The following TWF2 variants were observed in gnomAD, a reference collection of about 807,000 sequenced individuals.
The protein encoded by TWF2 is twinfilin actin binding protein 2.
TWF2 carries 15 observed loss-of-function variants against 45.1 expected under a neutral mutation model. That is an observed-to-expected ratio of 0.33 (90% CI 0.22 to 0.51). The LOEUF (loss-of-function observed/expected upper bound fraction) is 0.51. Ranked by LOEUF, TWF2 falls within the 20% of genes least tolerant of loss-of-function variation. The pLI is 0.97. For synonymous variants in TWF2, 177 were observed against 195.8 expected, an observed-to-expected ratio of 0.90 and a Z score of 0.80; for missense variants, 423 against 469.1, an observed-to-expected ratio of 0.90 and a Z score of 0.91.
At chr3:52,238,442 T>C (rs967469663) in intron 1 of TWF2, among the ~76,000 whole-genome samples, 5 of 152,202 alleles carry the variant, frequency 3.3e-5, no homozygotes, top group African/African-American at 1.2e-4. Flanking sequence ...GTCAGACACA[T>C]GCGGTATATG....
At chr3:52,229,249 C>T (rs757159069) in intron 8 of TWF2, 48 bp from the exon 9 acceptor site, 61 of 1,594,634 alleles carry the variant, frequency 3.8e-5, no homozygotes, top group Non-Finnish European at 5.2e-5. Flanking sequence ...GGCTCTGACA[C>T]ACACCACCCC....
chr3:52,228,833 A>G lies in TWF2; in HGVS notation c.*201T>C, dbSNP rs879366651. The G allele has an allele frequency of 5.0e-6, 4 of 806,606 alleles. No homozygotes were observed. Among genetic ancestry groups the G allele is most frequent in the Non-Finnish European group, 7.5e-6 (4 of 532,448 alleles). 50.0% of individuals were successfully genotyped at this position (806,606 alleles called of 1,614,324 possible). A position where few individuals can be genotyped will look rare whatever the true frequency, so the allele number is the denominator to read the frequency against. The stretch of plus-strand genomic sequence containing the variant: ...CAGGGTCCCCGGACACCCTGGGCAC[A>G]CAGACGAGATGCAGGGACAGCAACA... On this transcript the variant is annotated 3_prime_UTR_variant, in exon 9 of 9. Transcript: ENST00000305533.
intron 8 of TWF2, 50 bp from the exon 9 acceptor site, chr3:52,229,251 C>T (rs1699655474): frequency 1.3e-6 from 2 of 1,593,944 alleles, no homozygotes; most frequent in Non-Finnish European, 1.7e-6. Context: ...CTCTGACACA[C>T]ACCACCCCTG....
chr3:52,232,233 C>A, intron 2 of TWF2, 111 bp from the exon 3 acceptor site: 1 of 1,314,210 alleles, frequency 7.6e-7, no homozygotes, highest in South Asian at 1.5e-5. Context: ...CCGGCTGCCC[C>A]TCACCTTCCC....
At chr3:52,232,220 C>A (rs145192903) in intron 2 of TWF2, 98 bp from the exon 3 acceptor site, 3 of 1,381,446 alleles carry the variant, frequency 2.2e-6, no homozygotes, top group Non-Finnish European at 2.9e-6. Flanking sequence ...TGGCTCAGAG[C>A]CGCCGGCTGC....
intron 2 of TWF2, 103 bp from the exon 3 acceptor site, chr3:52,232,225 G>A (rs906148574): frequency 1.9e-5 from 26 of 1,366,664 alleles, no homozygotes; most frequent in African/African-American, 8.8e-5. Flanking sequence ...CAGAGCCGCC[G>A]GCTGCCCCTC....
Position 52,229,180 on chromosome 3 carries a change from C to G in TWF2, c.904G>C (p.Glu302Gln). The G allele has an allele frequency of 6.2e-7, 1 of 1,612,210 alleles. No homozygotes were observed. Among genetic ancestry groups the G allele is most frequent in the Non-Finnish European group, 8.5e-7 (1 of 1,179,998 alleles). ...TCGTAGAGGAACTCTGCCGTCAGCT[C>G]TGCCCCATCGCCAATCTCAATCTGC... ...AKKIEIGDGA[E>Q]LTAEFLYDEV... The change falls in exon 9 of 9, where the codon GAG (glutamate) becomes CAG (glutamine). Residue 302 changes from glutamate (E) to glutamine (Q), a missense_variant. Glu to Gln is a conservative substitution (Grantham distance 29). Transcript: ENST00000305533.
At chr3:52,231,578 A>G in intron 3 of TWF2, 39 bp from the exon 4 acceptor site, 1 of 1,583,984 alleles carries the variant, frequency 6.3e-7, no homozygotes, top group Non-Finnish European at 8.6e-7. Context: ...GCCTCTGGGC[A>G]GGGCTGCCTC....
Position 52,229,901 on chromosome 3 carries a change from C to G in TWF2, c.760+19G>C. ...TCCCACCCAGCCACAGGCTTGGGAGCCCTGCCATGGCCACTCACCTACAGA... is the reference window on the plus strand; with the variant it reads ...TCCCACCCAGCCACAGGCTTGGGAGGCCTGCCATGGCCACTCACCTACAGA... On this transcript the variant is annotated intron_variant, in intron 7 of 8. Coordinates refer to ENST00000305533, the MANE Select transcript of TWF2 (RefSeq NM_007284.4). 1 of 1,600,002 alleles carries G rather than the reference C, an allele frequency of 6.2e-7. No individual in the cohort carries two copies. The highest frequency in any genetic ancestry group is 8.5e-7 in the Non-Finnish European group (1 of 1,170,568).
intron 1 of TWF2, 61 bp downstream of exon 1, chr3:52,238,931 G>GGA: frequency 6.4e-7 from 1 of 1,562,856 alleles, no homozygotes; most frequent in Non-Finnish European, 8.6e-7. Context: ...CCGAGAGCCG[G>GGA]GGGGGGGCGC....
chr3:52,229,074 C>T lies in TWF2; in HGVS notation c.1010G>A (p.Arg337His). 2.5e-6 allele frequency: 4 copies of T among 1,612,868 alleles called. No homozygotes were observed. Among genetic ancestry groups the T allele is most frequent in the South Asian group, 1.1e-5 (1 of 91,030 alleles). ...ATTTTCACCCGGGCCGCGGATGAGG[C>T]GCTTATGGCCCCGCTTGCCCCCTGG... The part of the protein sequence containing the change: ...KGPGGKRGHK[R>H]LIRGPGENGD... Residue 337 changes from arginine to histidine, a missense_variant, in exon 9 of 9, where the codon CGC becomes CAC. Transcript: ENST00000305533.
chr3:52,232,328 C>T, intron 2 of TWF2: 2 of 625,756 alleles, frequency 3.2e-6, no homozygotes, highest in East Asian at 2.9e-5. Context: ...CTGGGGGCTG[C>T]CCCCCTGCAC....
chr3:52,229,706 G>A lies in TWF2; in HGVS notation c.837C>T (p.Leu279=), dbSNP rs1699660023. The change falls in exon 8 of 9, where the codon CTC becomes CTT. Residue 279 remains leucine, a synonymous_variant. Transcript: ENST00000305533. ...GGAAGTCCTGCTCCACGGAGTCGAG[G>A]AGGCGGCTCTTGCAGCTGGAGTAGA... ...RMLYSSCKSR[L]LDSVEQDFHL... 6.2e-7 allele frequency: 1 copy of A among 1,613,322 alleles called. No homozygotes were observed. Among genetic ancestry groups the A allele is most frequent in the Non-Finnish European group, 8.5e-7 (1 of 1,180,034 alleles).
chr3:52,229,910 G>C lies in TWF2; in HGVS notation c.760+10C>G. 6.2e-7 allele frequency: 1 copy of C among 1,603,332 alleles called. No homozygotes were observed. Among genetic ancestry groups the C allele is most frequent in the African/African-American group, 1.3e-5 (1 of 74,884 alleles). On this transcript the variant is annotated intron_variant, in intron 7 of 8. Coordinates refer to ENST00000305533, the MANE Select transcript of TWF2 (RefSeq NM_007284.4). The stretch of plus-strand genomic sequence containing the variant: ...GCCACAGGCTTGGGAGCCCTGCCAT[G>C]GCCACTCACCTACAGACTCAAGGGG...
chr3:52,230,861 G>A lies in TWF2; in HGVS notation c.609+9C>T, dbSNP rs375522201. On this transcript the variant is annotated intron_variant, in intron 6 of 8. Coordinates refer to ENST00000305533, the MANE Select transcript of TWF2 (RefSeq NM_007284.4). ...GCAGCATGTGCCAGGGTAGGGAGCAGGCACCCACCATCTGGATGTAGTTGA... is the reference window on the plus strand; with the variant it reads ...GCAGCATGTGCCAGGGTAGGGAGCAAGCACCCACCATCTGGATGTAGTTGA... 19 of 1,610,620 alleles carry A rather than the reference G, an allele frequency of 1.2e-5. No individual in the cohort carries two copies. The African/African-American group carries it at 2.5e-4, about 21-fold the overall frequency.
intron 6 of TWF2, 139 bp from the exon 7 acceptor site, chr3:52,230,209 G>T: frequency 1.7e-6 from 2 of 1,195,462 alleles, no homozygotes; most frequent in Non-Finnish European, 2.3e-6. Flanking sequence ...CCCCTGCAAT[G>T]GCCATCCCTC....
intron 6 of TWF2, among the ~76,000 whole-genome samples, chr3:52,230,596 G>A (rs891390797): frequency 6.6e-6 from 1 of 152,128 alleles, no homozygotes; most frequent in Non-Finnish European, 1.5e-5. Flanking sequence ...GGGCGGAATG[G>A]GGCAGTGTGC....
chr3:52,238,196 T>A (rs1241474760), intron 1 of TWF2, among the ~76,000 whole-genome samples: 5 of 152,212 alleles, frequency 3.3e-5, no homozygotes, highest in Non-Finnish European at 1.5e-5. Context: ...ACCCCATATC[T>A]GGACCTCTTC....
intron 2 of TWF2, 95 bp from the exon 3 acceptor site, chr3:52,232,217 G>C: frequency 2.1e-6 from 3 of 1,404,820 alleles, no homozygotes; most frequent in Non-Finnish European, 2.8e-6. Flanking sequence ...AGCTGGCTCA[G>C]AGCCGCCGGC....
Sources: allele counts gnomAD v4.1 joint callset (sites outside exome capture counted in the v4.1 genomes callset), GRCh38; gene constraint gnomAD v4.1.1; transcripts MANE v1.5; gene names NCBI Gene and HGNC (gene_info 2026-07-23, HGNC 2026-07-21).